Variants in VWDE observed in about 807,000 individuals in gnomAD.
VWDE encodes the protein von Willebrand factor D and EGF domains.
A neutral mutation model predicts 178.4 loss-of-function variants in VWDE; 207 were observed. The ratio of observed to expected loss-of-function variants is 1.16; its 90% CI spans 1.04 to 1.30. VWDE has a LOEUF of 1.30. Among genes scored for constraint, VWDE ranks in the 50% most tolerant of loss-of-function variants. VWDE has a pLI of 0.00. For missense variants in VWDE, 2,287 were observed against 1,901.3 expected (o/e 1.20, Z -3.77); for synonymous variants, 738 against 651.4 (o/e 1.13, Z -2.02).
chr7:12,341,223 C>G (rs1171390999), intron 23 of VWDE, among the ~76,000 whole-genome samples: 1 of 152,164 alleles, frequency 6.6e-6, no homozygotes, highest in Non-Finnish European at 1.5e-5. Context: ...CCATTTGCAT[C>G]ATGCTTCACA....
chr7:12,371,668 A>G (rs188400746), intron 10 of VWDE, among the ~76,000 whole-genome samples: 3 of 152,224 alleles, frequency 2.0e-5, no homozygotes, highest in Non-Finnish European at 2.9e-5. Context: ...TACTTTCCAA[A>G]CCAACTTAAG....
At chr7:12,347,824 T>C (rs1293987171) in intron 19 of VWDE, among the ~76,000 whole-genome samples, 1 of 151,902 alleles carries the variant, frequency 6.6e-6, no homozygotes, top group African/African-American at 2.4e-5. Context: ...CTTCAAACTA[T>C]ACTACAAGGC....
Position 12,383,584 on chromosome 7 carries a change from A to G in VWDE, c.493T>C (p.Leu165=). 1 of 1,550,582 alleles carries G rather than the reference A, an allele frequency of 6.4e-7. No homozygotes were observed. Among genetic ancestry groups the G allele is most frequent in the Non-Finnish European group, 8.7e-7 (1 of 1,145,998 alleles). ...GTTTCATCAGAACCACATGGGTGTA[A>G]TCGTGCATCAGAAATAGCTGCCAAG... ...YCAEAISDAR[L]HPCGSDETET... The change falls in exon 4 of 29, where the codon TTA becomes CTA. Residue 165 remains leucine, a synonymous_variant. Coordinates refer to ENST00000275358, the MANE Select transcript of VWDE (RefSeq NM_001135924.3).
At chr7:12,364,473 A>G (rs973757615) in intron 13 of VWDE, among the ~76,000 whole-genome samples, 1 of 152,128 alleles carries the variant, frequency 6.6e-6, no homozygotes, top group Non-Finnish European at 1.5e-5. Context: ...AGTTAAAAGG[A>G]CGTGTGAACG....
intron 1 of VWDE, among the ~76,000 whole-genome samples, chr7:12,399,393 A>G (rs77409786): frequency 6.0e-4 from 92 of 152,336 alleles, no homozygotes; most frequent in African/African-American, 2.1e-3. Context: ...AATTGTAAAC[A>G]TAACTGAACC....
intron 24 of VWDE, 109 bp downstream of exon 24, chr7:12,340,213 G>T: frequency 2.5e-6 from 2 of 793,074 alleles, no homozygotes; most frequent in South Asian, 2.0e-5. Context: ...AAGAATTCTG[G>T]GGAAAAAATC....
At chr7:12,401,951 T>G (rs538101007) in intron 1 of VWDE, among the ~76,000 whole-genome samples, 1 of 152,328 alleles carries the variant, frequency 6.6e-6, no homozygotes, top group African/African-American at 2.4e-5. Context: ...AATGGAACAT[T>G]ATTCTATCTT....
intron 3 of VWDE, among the ~76,000 whole-genome samples, chr7:12,387,016 T>A (rs1784130004): frequency 6.6e-6 from 1 of 152,192 alleles, no homozygotes; most frequent in Non-Finnish European, 1.5e-5. Flanking sequence ...ATTATTTTGA[T>A]CTTATTATAA....
chr7:12,351,345 T>G (rs1440217465), intron 19 of VWDE, among the ~76,000 whole-genome samples: 2 of 152,166 alleles, frequency 1.3e-5, no homozygotes, highest in Non-Finnish European at 2.9e-5. Context: ...CCGAAATCAC[T>G]TTAAATGATG....
rs1416361127 is a variant in VWDE, at chr7:12,361,226, C to G, written c.3080G>C (p.Ser1027Thr). 1 of 1,548,310 alleles carries G rather than the reference C, an allele frequency of 6.5e-7. No homozygotes were observed. Reference protein sequence around the residue: ...LKVSNDGYKFSNPKITVIYDG... With the variant: ...LKVSNDGYKFTNPKITVIYDG... ...ATATATGACCGTTATTTTGGGATTA[C>G]TGAATTTATAACCATCATTAGATAC... Residue 1027 changes from serine (S) to threonine (T), a missense_variant, in exon 15 of 29, where the codon AGT becomes ACT. Coordinates refer to ENST00000275358, the MANE Select transcript of VWDE (RefSeq NM_001135924.3).
rs563023841 is a variant in VWDE at position 12,379,578 on chromosome 7, A to T, written c.790-12T>A. 4.3e-4 allele frequency: 657 copies of T among 1,514,880 alleles called. 1 individual carries two copies. Among genetic ancestry groups the T allele is most frequent in the Non-Finnish European group, 1.6e-4 (182 of 1,129,172 alleles). The allele number at this position is 1,514,880 out of a possible 1,614,324, so 93.8% of individuals were successfully genotyped here. ...GCGCTGCAGAATATCTATGGATATA[A>T]TTAAAAAATAATCACTTAGAAATTC... On this transcript the variant is annotated splice_polypyrimidine_tract_variant and intron_variant, in intron 5 of 28. Transcript: ENST00000275358.
At chr7:12,392,996 A>G (rs1784457124) in intron 2 of VWDE, among the ~76,000 whole-genome samples, 1 of 152,176 alleles carries the variant, frequency 6.6e-6, no homozygotes, top group South Asian at 2.1e-4. Context: ...ATATGCCTCC[A>G]GAGTATTGAA....
intron 2 of VWDE, 146 bp downstream of exon 2, chr7:12,393,448 A>G (rs994488378): frequency 6.2e-6 from 4 of 644,668 alleles, no homozygotes; most frequent in Non-Finnish European, 1.0e-5. Context: ...TAGACTAGGT[A>G]ATGTGGGAAT....
In VWDE at chr7:12,387,568, T is replaced by TAC. The variant is rs941266988; in HGVS notation, c.475+1557_475+1558dup. 6.7e-3 allele frequency among the ~76,000 whole-genome samples: 1,013 copies of TAC among 151,496 alleles called. 10 individuals carry two copies. The highest frequency in any genetic ancestry group is 0.022 in the African/African-American group (910 of 41,376). On this transcript the variant is annotated intron_variant, in intron 3 of 28. Transcript: ENST00000275358. ...ACATATTTATGTATATTTATGTGTA[T>TAC]ACACACACACACACATATATATATA...
chr7:12,340,754 A>C (rs894438181), intron 23 of VWDE, among the ~76,000 whole-genome samples: 3 of 152,198 alleles, frequency 2.0e-5, no homozygotes, highest in Non-Finnish European at 4.4e-5. Flanking sequence ...TGCCTTCACT[A>C]AGCTAGAAGA....
intron 15 of VWDE, among the ~76,000 whole-genome samples, 156 bp downstream of exon 15, chr7:12,360,991 G>C (rs1178288168): frequency 6.6e-6 from 1 of 152,098 alleles, no homozygotes; most frequent in Non-Finnish European, 1.5e-5. Flanking sequence ...TGCAGGCAGA[G>C]TAACAATTTC....
At position 12,403,834 on chromosome 7, in the gene VWDE, C is replaced by T; in HGVS notation, c.-118G>A. 1 of 1,127,904 alleles carries T rather than the reference C, an allele frequency of 8.9e-7. No homozygotes were observed. Among genetic ancestry groups the T allele is most frequent in the South Asian group, 1.5e-5 (1 of 68,016 alleles). The allele number at this position is 1,127,904 out of a possible 1,614,324, so 69.9% of individuals were successfully genotyped here. ...CTTGGATTTTCTCAGTCTGTTGCTG[C>T]TTGGAACAGGGAAGCTCCGCGTCCT... On this transcript the variant is annotated 5_prime_UTR_variant, in exon 1 of 29. Coordinates refer to ENST00000275358, the MANE Select transcript of VWDE (RefSeq NM_001135924.3).
chr7:12,396,753 TTAA>T (rs1464566634), intron 1 of VWDE, among the ~76,000 whole-genome samples: 1 of 133,024 alleles, frequency 7.5e-6, no homozygotes, highest in African/African-American at 3.4e-5. Context: ...CCATCTCTAC[TTAA>T]AAAAAAAAAA....
In VWDE at chr7:12,333,464, C is replaced by T; in HGVS notation, c.4758+1G>A. On this transcript the variant is annotated splice_donor_variant, in intron 28 of 28. Transcript: ENST00000275358. LOFTEE classifies it high-confidence loss of function. ...TATTTTCTCTTTAAACTCTGAAATA[C>T]CTGTATTTTCTTCTCACATTTGACT... is the stretch of plus-strand genomic sequence containing the variant. The T allele has an allele frequency of 6.5e-7, 1 of 1,529,958 alleles. No individual in the cohort carries two copies. The highest frequency in any genetic ancestry group is 1.4e-5 in the African/African-American group (1 of 72,404). The allele number at this position is 1,529,958 out of a possible 1,614,324, so 94.8% of individuals were successfully genotyped here.
Sources: allele counts gnomAD v4.1 joint callset (sites outside exome capture counted in the v4.1 genomes callset), GRCh38; gene constraint gnomAD v4.1.1; transcripts MANE v1.5; gene names NCBI Gene and HGNC (gene_info 2026-07-23, HGNC 2026-07-21).